The following MID1 variants were observed in gnomAD, a reference collection of about 807,000 sequenced individuals.
The protein encoded by MID1 is E3 ubiquitin-protein ligase Midline-1.
In MID1, 7 loss-of-function variants were observed where a neutral mutation model predicts 40.4. The observed-to-expected ratio is 0.17, with a 90% CI of 0.10 to 0.33. MID1 has a LOEUF of 0.33. MID1 is among the 10% of genes least tolerant of loss of function. MID1 has a pLI of 1.00. For synonymous variants in MID1, 229 were observed against 221.2 expected (o/e 1.04, Z -0.31); for missense variants, 367 against 558.5 (o/e 0.66, Z 3.46).
At chrX:10,501,077 G>A (rs1470803297) in intron 3 of MID1, among the ~76,000 whole-genome samples, 4 of 111,861 alleles carry the variant, frequency 3.6e-5, no homozygotes, top group Non-Finnish European at 7.5e-5. Flanking sequence ...TTGGGAGGCC[G>A]AGGCAGGCGG....
chrX:10,517,243 G>A (rs1382458230), intron 3 of MID1, among the ~76,000 whole-genome samples: 1 of 111,202 alleles, frequency 9.0e-6, no homozygotes, highest in Admixed American at 9.5e-5. Flanking sequence ...TTTTCCCGGG[G>A]AATGCTCATA....
chrX:10,708,292 T>C (rs764306911), intron 1 of MID1, among the ~76,000 whole-genome samples: 138 of 111,905 alleles, frequency 1.2e-3, no homozygotes, highest in Admixed American at 2.1e-3. Context: ...TATGGGCTGG[T>C]AGTTCAGACA....
At position 10,652,922 on chromosome X, in the gene MID1, C is replaced by T. The variant is rs777529190; in HGVS notation, c.-186-32503G>A. ...GAAAGGGTAACCTCCTTGCTCCTCT[C>T]CTTTGTGGAGGGCCTTGGTTCCTGT... is the stretch of plus-strand genomic sequence containing the variant. On this transcript the variant is annotated intron_variant, in intron 1 of 10. Transcript: ENST00000380785. 7.1e-5 allele frequency among the ~76,000 whole-genome samples: 8 copies of T among 112,308 alleles called. No individual in the cohort carries two copies. The South Asian group carries it at 3.0e-3, about 42-fold the overall frequency.
chrX:10,636,819 C>A (rs867789913), intron 1 of MID1, among the ~76,000 whole-genome samples: 6 of 26,682 alleles, frequency 2.2e-4, no homozygotes, highest in African/African-American at 1.0e-3. Flanking sequence ...TATATATATA[C>A]ACCACTGGTG....
At chrX:10,663,454 A>C (rs2042929679) in intron 1 of MID1, among the ~76,000 whole-genome samples, 1 of 112,368 alleles carries the variant, frequency 8.9e-6, no homozygotes, top group South Asian at 3.6e-4. Context: ...CAGCTGAATA[A>C]TACTTTTTAG....
At chrX:10,524,901 T>C (rs944310297) in intron 2 of MID1, among the ~76,000 whole-genome samples, 4 of 111,803 alleles carry the variant, frequency 3.6e-5, no homozygotes, top group Non-Finnish European at 5.6e-5. Flanking sequence ...AATAGAACAA[T>C]GTCGTATGCC....
At chrX:10,580,542 T>C (rs1242126619) in intron 1 of MID1, among the ~76,000 whole-genome samples, 1 of 111,313 alleles carries the variant, frequency 9.0e-6, no homozygotes, top group Non-Finnish European at 1.9e-5. Flanking sequence ...TTTCTTCTGA[T>C]GCAAATTCTG....
At chrX:10,458,308 A>C (rs898809791) in intron 8 of MID1, among the ~76,000 whole-genome samples, 1 of 112,059 alleles carries the variant, frequency 8.9e-6, no homozygotes, top group Non-Finnish European at 1.9e-5. Context: ...GGTCTTTTTG[A>C]CAACTCATAA....
At chrX:10,544,931 C>T (rs757557481) in intron 2 of MID1, among the ~76,000 whole-genome samples, 1 of 112,137 alleles carries the variant, frequency 8.9e-6, no homozygotes, top group East Asian at 2.8e-4. Context: ...CCTTTCAAAG[C>T]TAAGTGTTTT....
intron 1 of MID1, among the ~76,000 whole-genome samples, chrX:10,723,146 T>C (rs181049326): frequency 8.9e-6 from 1 of 112,181 alleles, no homozygotes; most frequent in Admixed American, 9.4e-5. Context: ...TGATTCTGAG[T>C]TGACAGTGGA....
At chrX:10,801,602 G>T (rs1344231274) in intron 1 of MID1, among the ~76,000 whole-genome samples, 1 of 111,531 alleles carries the variant, frequency 9.0e-6, no homozygotes, top group East Asian at 2.8e-4. Context: ...ATGGGAAAAG[G>T]ACTCCATAGT....
In MID1 at chrX:10,670,078, G is replaced by A. The variant is rs970756037; in HGVS notation, c.-186-49659C>T. 1.2e-3 allele frequency among the ~76,000 whole-genome samples: 135 copies of A among 112,245 alleles called. 1 individual carries two copies. In the Admixed American group the frequency reaches 0.013, roughly 11 times the overall value. ...TCTCTGAGATTCTCCTTCTTCCACT[G>A]TAAAGAGGGTCTTTCCGAACAAGAA... On this transcript the variant is annotated intron_variant, in intron 1 of 10. Coordinates refer to the MID1 transcript ENST00000380785.
chrX:10,700,284 C>A (rs1004750339), intron 1 of MID1, among the ~76,000 whole-genome samples: 3 of 111,520 alleles, frequency 2.7e-5, no homozygotes, highest in Non-Finnish European at 5.7e-5. Flanking sequence ...AGGCATGATG[C>A]CTCATGCCTG....
intron 1 of MID1, among the ~76,000 whole-genome samples, chrX:10,641,676 A>G (rs1936198095): frequency 8.9e-6 from 1 of 112,057 alleles, no homozygotes; most frequent in African/African-American, 3.2e-5. Context: ...TAAGGCCAAC[A>G]TCATCCTGAT....
chrX:10,591,995 G>C (rs1218335755), intron 1 of MID1, among the ~76,000 whole-genome samples: 1 of 110,543 alleles, frequency 9.0e-6, no homozygotes, highest in Admixed American at 9.6e-5. Context: ...ATGATCGAGC[G>C]TCTTTAGGGT....
At chrX:10,792,150 T>C (rs2043936334) in intron 1 of MID1, among the ~76,000 whole-genome samples, 2 of 112,267 alleles carry the variant, frequency 1.8e-5, no homozygotes, top group Admixed American at 1.9e-4. Flanking sequence ...GTCAACATTA[T>C]TGTTTTAATG....
At chrX:10,500,300 T>C (rs1931476772) in intron 3 of MID1, among the ~76,000 whole-genome samples, 1 of 112,186 alleles carries the variant, frequency 8.9e-6, no homozygotes, top group Non-Finnish European at 1.9e-5. Flanking sequence ...AGAAAACTGG[T>C]ATCACAATCA....
At chrX:10,550,904 CAAAGTGGAATTA>C (rs1209096288) in intron 2 of MID1, among the ~76,000 whole-genome samples, 1 of 111,147 alleles carries the variant, frequency 9.0e-6, no homozygotes, top group African/African-American at 3.3e-5. Flanking sequence ...CATCCTGTCT[CAAAGTGGAATTA>C]AACTCTATTC....
intron 1 of MID1, among the ~76,000 whole-genome samples, chrX:10,660,268 C>T (rs1383691032): frequency 8.9e-6 from 1 of 112,711 alleles, no homozygotes; most frequent in Non-Finnish European, 1.9e-5. Flanking sequence ...ACCACTGAGG[C>T]TGTGCCACAT....
Sources: allele counts gnomAD v4.1 joint callset (sites outside exome capture counted in the v4.1 genomes callset), GRCh38; gene constraint gnomAD v4.1.1; transcripts MANE v1.5; gene names NCBI Gene and HGNC (gene_info 2026-07-23, HGNC 2026-07-21).